The following CDH11 variants were observed in gnomAD, a reference collection of about 807,000 sequenced individuals.
CDH11 encodes cadherin-11.
Under a neutral mutation model 67.8 loss-of-function variants are expected in CDH11, and 11 were observed. The observed-to-expected ratio is 0.16, with a 90% CI of 0.10 to 0.27. The LOEUF (loss-of-function observed/expected upper bound fraction) is 0.27. Ranked by LOEUF, CDH11 falls within the 10% of genes least tolerant of loss-of-function variation. The probability of loss-of-function intolerance (pLI) is 1.00; values close to 1 mark genes in which losing one functional copy is unlikely to be tolerated. For synonymous variants in CDH11, 419 were observed against 400.0 expected, an observed-to-expected ratio of 1.05 and a Z score of -0.57; for missense variants, 847 against 1,031.2, an observed-to-expected ratio of 0.82 and a Z score of 2.45.
At chr16:64,995,101 T>C (rs781716968) in intron 4 of CDH11, among the ~76,000 whole-genome samples, 14 of 152,284 alleles carry the variant, frequency 9.2e-5, no homozygotes, top group Non-Finnish European at 1.6e-4. Flanking sequence ...ATGATATTGA[T>C]TCTTTCAACC....
At chr16:65,060,964 G>A (rs1350980791) in intron 1 of CDH11, among the ~76,000 whole-genome samples, 2 of 152,170 alleles carry the variant, frequency 1.3e-5, no homozygotes, top group African/African-American at 4.8e-5. Context: ...CTGTTCCTGA[G>A]CCTGGCAGGC....
At chr16:65,110,327 G>C (rs1204639607) in intron 1 of CDH11, among the ~76,000 whole-genome samples, 1 of 152,126 alleles carries the variant, frequency 6.6e-6, no homozygotes, top group African/African-American at 2.4e-5. Context: ...AGGATATGTA[G>C]GGAAATGAAA....
chr16:64,952,419 T>C (rs1231994682), intron 11 of CDH11, among the ~76,000 whole-genome samples: 1 of 152,210 alleles, frequency 6.6e-6, no homozygotes, highest in Non-Finnish European at 1.5e-5. Flanking sequence ...TCAATAAATA[T>C]TTGTTGAACA....
intron 11 of CDH11, among the ~76,000 whole-genome samples, chr16:64,951,647 GAA>G (rs2071364806): frequency 6.6e-6 from 1 of 152,220 alleles, no homozygotes; most frequent in South Asian, 2.1e-4. Context: ...GTGTGTGTGA[GAA>G]AAAGTTTTTT....
intron 1 of CDH11, among the ~76,000 whole-genome samples, chr16:65,118,452 A>G (rs924142669): frequency 1.3e-5 from 2 of 152,164 alleles, no homozygotes; most frequent in South Asian, 2.1e-4. Context: ...CCCCTAATCA[A>G]TTAAATCACA....
chr16:64,950,054 T>C (rs986020581), intron 12 of CDH11, among the ~76,000 whole-genome samples: 1 of 152,138 alleles, frequency 6.6e-6, no homozygotes, highest in Non-Finnish European at 1.5e-5. Context: ...CCTGATTTGG[T>C]CAGTCACTAG....
At position 64,949,247 on chromosome 16, in the gene CDH11, C is replaced by A. The variant is rs192211685; in HGVS notation, c.1895-1148G>T. 6.6e-5 allele frequency among the ~76,000 whole-genome samples: 10 copies of A among 152,152 alleles called. No individual in the cohort carries two copies. The East Asian group carries it at 1.9e-3, about 29-fold the overall frequency. On this transcript the variant is annotated intron_variant, in intron 12 of 12. Transcript: ENST00000268603. ...AATATTTATCACATGGTTTACACAT[C>A]TGTTTCCACTTCTATTAACTTTTTA...
At chr16:65,013,696 G>A (rs948877136) in intron 2 of CDH11, among the ~76,000 whole-genome samples, 13 of 152,028 alleles carry the variant, frequency 8.6e-5, no homozygotes, top group Admixed American at 2.6e-4. Context: ...GCATGGTGGC[G>A]TGTGCCTGTA....
chr16:65,017,835 A>T (rs755828486), intron 2 of CDH11, among the ~76,000 whole-genome samples: 1 of 152,292 alleles, frequency 6.6e-6, no homozygotes, highest in East Asian at 1.9e-4. Flanking sequence ...AAAAATCTCC[A>T]AAACAATAGA....
chr16:65,117,898 G>A (rs1028853250), intron 1 of CDH11, among the ~76,000 whole-genome samples: 2 of 152,116 alleles, frequency 1.3e-5, no homozygotes, highest in Admixed American at 6.5e-5. Flanking sequence ...CCCCCACCCC[G>A]GCTGCTGCTC....
At chr16:64,969,644 C>T (rs190239974) in intron 11 of CDH11, among the ~76,000 whole-genome samples, 17 of 152,256 alleles carry the variant, frequency 1.1e-4, no homozygotes, top group African/African-American at 4.1e-4. Flanking sequence ...CAAGGTGAAA[C>T]TGGAAACAAA....
chr16:65,087,878 TC>T (rs2074727519), intron 1 of CDH11, among the ~76,000 whole-genome samples: 1 of 152,196 alleles, frequency 6.6e-6, no homozygotes, highest in Non-Finnish European at 1.5e-5. Context: ...TCTTTTTCCT[TC>T]TTTTTAACAG....
In CDH11 at chr16:64,945,445, C is replaced by A; in HGVS notation, c.*2158G>T. 9.7e-7 allele frequency: 1 copy of A among 1,036,256 alleles called. No individual in the cohort carries two copies. Among genetic ancestry groups the A allele is most frequent in the Non-Finnish European group, 1.2e-6 (1 of 860,142 alleles). 64.2% of individuals were successfully genotyped at this position (1,036,256 alleles called of 1,614,324 possible). A position where few individuals can be genotyped will look rare whatever the true frequency, so the allele number is the denominator to read the frequency against. ...CAAATACATTCCTAGAGAAAAGGAT[C>A]ATCCATGGTGACAGGGTTACTTACA... On this transcript the variant is annotated 3_prime_UTR_variant, in exon 13 of 13. Transcript: ENST00000268603.
At chr16:65,060,958 T>C (rs1291881696) in intron 1 of CDH11, among the ~76,000 whole-genome samples, 1 of 152,232 alleles carries the variant, frequency 6.6e-6, no homozygotes, top group Non-Finnish European at 1.5e-5. Flanking sequence ...GTACTGCTGT[T>C]CCTGAGCCTG....
intron 11 of CDH11, among the ~76,000 whole-genome samples, chr16:64,960,174 G>A (rs1420080429): frequency 6.6e-6 from 1 of 152,124 alleles, no homozygotes; most frequent in Non-Finnish European, 1.5e-5. Flanking sequence ...CTGAATGGAT[G>A]AAAGAATGCA....
rs755208152 is a variant in CDH11, at chr16:64,947,594, T to C, written c.*9A>G. 1.3e-6 allele frequency: 2 copies of C among 1,598,336 alleles called. No homozygotes were observed. Among genetic ancestry groups the C allele is most frequent in the South Asian group, 2.2e-5 (2 of 90,422 alleles). On this transcript the variant is annotated 3_prime_UTR_variant, in exon 13 of 13. Coordinates refer to ENST00000268603, the MANE Select transcript of CDH11 (RefSeq NM_001797.4). ...CACAGTTCTTAAGGCCAAATTTGTA[T>C]CGTTATTGTTAAGAATCGTCATCAA... is the stretch of plus-strand genomic sequence containing the variant.
intron 2 of CDH11, among the ~76,000 whole-genome samples, chr16:65,008,116 T>A (rs1315813400): frequency 6.6e-6 from 1 of 152,254 alleles, no homozygotes; most frequent in Non-Finnish European, 1.5e-5. Flanking sequence ...TCTTCACCTT[T>A]TTCTTCTGGC....
At chr16:65,027,132 C>G (rs1293488063) in intron 2 of CDH11, among the ~76,000 whole-genome samples, 1 of 152,178 alleles carries the variant, frequency 6.6e-6, no homozygotes, top group African/African-American at 2.4e-5. Flanking sequence ...GCAGCCATTA[C>G]TTGGCTACCG....
intron 3 of CDH11, among the ~76,000 whole-genome samples, chr16:65,004,285 A>G (rs1219509309): frequency 6.6e-6 from 1 of 152,110 alleles, no homozygotes; most frequent in Non-Finnish European, 1.5e-5. Flanking sequence ...AAGCAGGAGG[A>G]TCCCTTGAGC....
Sources: allele counts gnomAD v4.1 joint callset (sites outside exome capture counted in the v4.1 genomes callset), GRCh38; gene constraint gnomAD v4.1.1; transcripts MANE v1.5; gene names NCBI Gene and HGNC (gene_info 2026-07-23, HGNC 2026-07-21).